Variants in NOL9 observed in about 807,000 individuals in gnomAD.
NOL9 encodes polynucleotide 5'-hydroxyl-kinase NOL9.
NOL9 carries 28 observed loss-of-function variants against 67.9 expected under a neutral mutation model. The observed-to-expected ratio is 0.41, with a 90% CI of 0.31 to 0.57. The LOEUF is 0.57. Ranked by LOEUF, NOL9 falls within the 20% of genes least tolerant of loss-of-function variation. NOL9 has a pLI of 0.25. For missense variants in NOL9, 777 were observed against 897.0 expected, an observed-to-expected ratio of 0.87 and a Z score of 1.71; for synonymous variants, 356 against 352.2, an observed-to-expected ratio of 1.01 and a Z score of -0.12.
Position 6,532,647 on chromosome 1 carries a change from C to A in NOL9, c.1351G>T (p.Asp451Tyr). ...TTTGTGTACAAGCCATCCATGTCAT[C>A]TACATACTGCGGGGTAAGGTCTGGC... is the stretch of plus-strand genomic sequence containing the variant. ...YMPDLTPQYV[D>Y]DMDGLYTKSK... is the part of the protein sequence containing the mutation. Residue 451 changes from aspartate to tyrosine, a missense_variant, in exon 8 of 12, where the codon GAT (aspartate) becomes TAT (tyrosine). Asp to Tyr is a radical substitution (Grantham distance 160). Coordinates refer to ENST00000377705, the MANE Select transcript of NOL9 (RefSeq NM_024654.5). The A allele has an allele frequency of 6.2e-7, 1 of 1,614,182 alleles. No homozygotes were observed. The highest frequency in any genetic ancestry group is 2.2e-5 in the East Asian group (1 of 44,892).
Position 6,537,723 on chromosome 1 carries a change from T to C in NOL9, c.1075+4107A>G, listed in dbSNP as rs142852877. 5.3e-5 allele frequency among the ~76,000 whole-genome samples: 8 copies of C among 152,188 alleles called. No homozygotes were observed. The East Asian group carries it at 1.3e-3, about 26-fold the overall frequency. On this transcript the variant is annotated intron_variant, in intron 6 of 11. Transcript: ENST00000377705. The stretch of plus-strand genomic sequence containing the variant: ...TCTTCAAGATAGTCTTTTCAACAAA[T>C]GGTGGTGGAAAATCTCAATATCTAT...
intron 6 of NOL9, among the ~76,000 whole-genome samples, chr1:6,540,578 G>C (rs1209525154): frequency 1.3e-5 from 2 of 152,112 alleles, no homozygotes; most frequent in African/African-American, 4.8e-5. Flanking sequence ...TACAATCCCA[G>C]AACTTGGGAG....
chr1:6,526,050 C>T, intron 11 of NOL9, 47 bp from the exon 12 acceptor site: 1 of 1,576,220 alleles, frequency 6.3e-7, no homozygotes, highest in Non-Finnish European at 8.7e-7. Flanking sequence ...CAGGTCCAGC[C>T]CAGAGGGGTT....
rs1557780116 is a variant in NOL9, at chr1:6,525,754, C to T, written c.*100G>A. The stretch of plus-strand genomic sequence containing the variant: ...CAAAAAACACTGTTGCTAATAAGGG[C>T]ACCATTCATGGCCATGAAACTCCAT... On this transcript the variant is annotated 3_prime_UTR_variant, in exon 12 of 12. Coordinates refer to ENST00000377705, the MANE Select transcript of NOL9 (RefSeq NM_024654.5). 2 of 1,205,368 alleles carry T rather than the reference C, an allele frequency of 1.7e-6. No individual in the cohort carries two copies. Among genetic ancestry groups the T allele is most frequent in the Non-Finnish European group, 2.4e-6 (2 of 829,352 alleles). 74.7% of individuals were successfully genotyped at this position (1,205,368 alleles called of 1,614,324 possible).
chr1:6,526,969 G>A lies in NOL9; in HGVS notation c.1826-140C>T, dbSNP rs985129351. 4 of 1,151,872 alleles carry A rather than the reference G, an allele frequency of 3.5e-6. No individual in the cohort carries two copies. The African/African-American group carries it at 6.2e-5, about 18-fold the overall frequency. 71.4% of individuals were successfully genotyped at this position (1,151,872 alleles called of 1,614,324 possible). On this transcript the variant is annotated intron_variant, in intron 10 of 11. Transcript: ENST00000377705. ...TTTTGAAAATACAAAGAGCTGGCCA[G>A]GTGCAGTGGCTCACGCCTGTAATCC...
At chr1:6,537,548 A>G (rs1032175825) in intron 6 of NOL9, among the ~76,000 whole-genome samples, 1 of 152,198 alleles carries the variant, frequency 6.6e-6, no homozygotes, top group Non-Finnish European at 1.5e-5. Context: ...AACCCAACTG[A>G]AAAATGGGTA....
At chr1:6,545,500 G>A (rs192719936) in intron 3 of NOL9, among the ~76,000 whole-genome samples, 6 of 152,370 alleles carry the variant, frequency 3.9e-5, no homozygotes, top group African/African-American at 7.2e-5. Context: ...GGTGAGTGAT[G>A]TAGAATCAAG....
chr1:6,534,447 G>A (rs1311862268), intron 6 of NOL9, among the ~76,000 whole-genome samples: 1 of 152,188 alleles, frequency 6.6e-6, no homozygotes, highest in African/African-American at 2.4e-5. Context: ...GTGTGTGACA[G>A]GGTCAGAAGG....
Position 6,554,336 on chromosome 1 carries a change from T to G in NOL9, c.167A>C (p.Gln56Pro). Residue 56 changes from glutamine to proline, a missense_variant, in exon 1 of 12, where the codon CAG becomes CCG. Around this residue, in one of 2 missense-constraint regions of NOL9, gnomAD observed 364 missense variants for 344.4 expected, o/e 1.06. Coordinates refer to ENST00000377705, the MANE Select transcript of NOL9 (RefSeq NM_024654.5). Reference protein sequence around the residue: ...RRLRWRLLQAQASGVDWREGA... With the variant: ...RRLRWRLLQAPASGVDWREGA... ...CTCCCTCCAGTCCACGCCGGACGCC[T>G]GGGCTTGCAGTAACCGCCACCGTAG... 6.8e-7 allele frequency: 1 copy of G among 1,460,344 alleles called. No homozygotes were observed. Among genetic ancestry groups the G allele is most frequent in the African/African-American group, 1.5e-5 (1 of 67,612 alleles). 90.5% of individuals were successfully genotyped at this position (1,460,344 alleles called of 1,614,324 possible).
At chr1:6,527,008 G>C (rs1638900514) in intron 10 of NOL9, among the ~76,000 whole-genome samples, 179 bp from the exon 11 acceptor site, 2 of 152,354 alleles carry the variant, frequency 1.3e-5, no homozygotes, top group African/African-American at 2.4e-5. Flanking sequence ...CACTCTGGGA[G>C]GCCGAGGCGG....
chr1:6,543,240 C>T (rs1036529093), intron 5 of NOL9, among the ~76,000 whole-genome samples: 3 of 150,170 alleles, frequency 2.0e-5, no homozygotes, highest in Non-Finnish European at 3.0e-5. Flanking sequence ...CTGTCGCCCA[C>T]GCTGGAGTGC....
chr1:6,548,517 G>A (rs1043997714), intron 3 of NOL9: 17 of 286,910 alleles, frequency 5.9e-5, no homozygotes, highest in Admixed American at 1.1e-4. Flanking sequence ...GGTTCCATGC[G>A]TGCTAAACGT....
In NOL9 at chr1:6,526,154, C is replaced by G. The variant is rs1370371752; in HGVS notation, c.1960-151G>C. On this transcript the variant is annotated intron_variant, in intron 11 of 11. Coordinates refer to ENST00000377705, the MANE Select transcript of NOL9 (RefSeq NM_024654.5). ...AGGCATTTGATCCCTTCCTTCAGAGCCCCCTTTAATCAACTGGCTCGGTAA... is the reference window on the plus strand; with the variant it reads ...AGGCATTTGATCCCTTCCTTCAGAGGCCCCTTTAATCAACTGGCTCGGTAA... The G allele has an allele frequency of 5.9e-6, 4 of 683,596 alleles. No homozygotes were observed. In the African/African-American group the frequency reaches 7.2e-5, roughly 12 times the overall value. 42.3% of individuals were successfully genotyped at this position (683,596 alleles called of 1,614,324 possible).
In NOL9 at chr1:6,524,257, GTGT is replaced by G. The variant is rs1196523252; in HGVS notation, c.*1594_*1596del. On this transcript the variant is annotated 3_prime_UTR_variant, in exon 12 of 12. Coordinates refer to ENST00000377705, the MANE Select transcript of NOL9 (RefSeq NM_024654.5). Reference sequence around the variant, plus strand: ...ACAATGATAACCAACAGTTGTATAAGTGTATATAAGTGTTAAAACCCACACATC... The same window carrying G: ...ACAATGATAACCAACAGTTGTATAAGATATAAGTGTTAAAACCCACACATC... 1 of 134,324 alleles carries G rather than the reference GTGT, an allele frequency of 7.4e-6. No homozygotes were observed. Among genetic ancestry groups the G allele is most frequent in the Non-Finnish European group, 1.6e-5 (1 of 62,446 alleles). 8.3% of individuals were successfully genotyped at this position (134,324 alleles called of 1,614,324 possible).
intron 8 of NOL9, 50 bp downstream of exon 8, chr1:6,532,413 T>C (rs1639049453): frequency 1.3e-6 from 2 of 1,545,102 alleles, no homozygotes; most frequent in Non-Finnish European, 1.8e-6. Flanking sequence ...ATGGCAGGTC[T>C]TTTTCGACGG....
chr1:6,531,332 GCCT>G (rs1639022846), intron 9 of NOL9, among the ~76,000 whole-genome samples: 1 of 152,056 alleles, frequency 6.6e-6, no homozygotes, highest in Non-Finnish European at 1.5e-5. Flanking sequence ...TCCTGCCTCA[GCCT>G]CCTGAGTAGC....
At chr1:6,553,882 C>T (rs1167719486) in intron 1 of NOL9, among the ~76,000 whole-genome samples, 2 of 152,008 alleles carry the variant, frequency 1.3e-5, no homozygotes, top group African/African-American at 4.8e-5. Context: ...AAAATAAAGT[C>T]CCTTTAGCTC....
chr1:6,550,845 G>A (rs764621549), intron 1 of NOL9, among the ~76,000 whole-genome samples: 15 of 152,062 alleles, frequency 9.9e-5, no homozygotes, highest in South Asian at 2.1e-4. Context: ...CACCACGCCC[G>A]GCTAATTTTG....
Position 6,554,253 on chromosome 1 carries a change from T to TG in NOL9, c.249dup (p.Ser84GlnfsTer5). 1 of 1,494,432 alleles carries TG rather than the reference T, an allele frequency of 6.7e-7. No homozygotes were observed. The highest frequency in any genetic ancestry group is 8.9e-7 in the Non-Finnish European group (1 of 1,122,710). 92.6% of individuals were successfully genotyped at this position (1,494,432 alleles called of 1,614,324 possible). A position where few individuals can be genotyped will look rare whatever the true frequency, so the allele number is the denominator to read the frequency against. On this transcript the variant is annotated frameshift_variant, in exon 1 of 12. Coordinates refer to ENST00000377705, the MANE Select transcript of NOL9 (RefSeq NM_024654.5). LOFTEE classifies it high-confidence loss of function. ...GCCGGGGTCGGGCTAGGGATCGGGC[T>TG]GGGGGTCGCGGTGTTGGGTCTCCGG...
Sources: allele counts gnomAD v4.1 joint callset (sites outside exome capture counted in the v4.1 genomes callset), GRCh38; gene constraint gnomAD v4.1.1; regional missense constraint gnomAD v4.1.1; transcripts MANE v1.5; gene names NCBI Gene and HGNC (gene_info 2026-07-23, HGNC 2026-07-21).